Variants in ARHGEF6 observed in about 807,000 individuals in gnomAD.
The protein encoded by ARHGEF6 is rho guanine nucleotide exchange factor 6.
A neutral mutation model predicts 70.3 loss-of-function variants in ARHGEF6; 9 were observed. The ratio of observed to expected loss-of-function variants is 0.13; its 90% CI spans 0.08 to 0.22. The LOEUF is 0.22. ARHGEF6 is among the 10% of genes least tolerant of loss of function. The pLI, the probability that ARHGEF6 is intolerant of heterozygous loss-of-function variation, is 1.00. For synonymous variants in ARHGEF6, 201 were observed against 207.8 expected (o/e 0.97, Z 0.28); for missense variants, 470 against 563.0 (o/e 0.83, Z 1.67).
At chrX:136,735,911 A>G (rs1279525134) in intron 5 of ARHGEF6, among the ~76,000 whole-genome samples, 2 of 112,221 alleles carry the variant, frequency 1.8e-5, no homozygotes, top group Non-Finnish European at 3.8e-5. Context: ...ATTTCTTAAT[A>G]TGCCTTAATA....
intron 2 of ARHGEF6, among the ~76,000 whole-genome samples, chrX:136,760,110 C>G (rs1185004227): frequency 1.8e-5 from 2 of 112,142 alleles, no homozygotes; most frequent in Non-Finnish European, 3.8e-5. Flanking sequence ...TGCCATTGCC[C>G]ATGTTGAAAT....
intron 9 of ARHGEF6, among the ~76,000 whole-genome samples, chrX:136,697,368 C>G (rs906418194): frequency 3.6e-5 from 4 of 111,856 alleles, no homozygotes; most frequent in African/African-American, 9.8e-5. Flanking sequence ...ACCAGGGAAA[C>G]AGACAGCCAG....
chrX:136,763,933 G>A (rs908657491), intron 2 of ARHGEF6, among the ~76,000 whole-genome samples: 2 of 111,851 alleles, frequency 1.8e-5, no homozygotes, highest in African/African-American at 3.3e-5. Flanking sequence ...AAGGGTGGAC[G>A]AGCAGTATAA....
intron 6 of ARHGEF6, among the ~76,000 whole-genome samples, chrX:136,730,210 G>A (rs1005800741): frequency 2.7e-5 from 3 of 110,852 alleles, no homozygotes; most frequent in Non-Finnish European, 5.7e-5. Context: ...GACTCTTGGA[G>A]GGAAGAAGAT....
At chrX:136,758,885 A>G (rs1325380448) in intron 2 of ARHGEF6, among the ~76,000 whole-genome samples, 1 of 111,990 alleles carries the variant, frequency 8.9e-6, no homozygotes, top group Admixed American at 9.4e-5. Flanking sequence ...CCTGGTGTCT[A>G]TGCCAGGCAG....
intron 2 of ARHGEF6, among the ~76,000 whole-genome samples, chrX:136,777,431 A>T (rs1201202492): frequency 9.0e-6 from 1 of 110,582 alleles, no homozygotes; most frequent in Admixed American, 9.7e-5. Flanking sequence ...TTAAAAAAAA[A>T]ACAAAAAATA....
At chrX:136,745,991 T>C (rs1313849476) in intron 3 of ARHGEF6, among the ~76,000 whole-genome samples, 1 of 112,234 alleles carries the variant, frequency 8.9e-6, no homozygotes, top group African/African-American at 3.2e-5. Flanking sequence ...GTTGAGAGTA[T>C]ACAAAAGAGA....
chrX:136,761,391 A>G lies in ARHGEF6; in HGVS notation c.250-13799T>C, dbSNP rs1226743024. Among the ~76,000 whole-genome samples the G allele has an allele frequency of 3.6e-5, 4 of 112,386 alleles. No individual in the cohort carries two copies. The East Asian group carries it at 1.1e-3, about 31-fold the overall frequency. On this transcript the variant is annotated intron_variant, in intron 2 of 21. Coordinates refer to ENST00000250617, the MANE Select transcript of ARHGEF6 (RefSeq NM_004840.3). ...TATCACTGGGCTGCAATATCACGGA[A>G]ATTTAAACTGTCTTTATGTAGCCTT...
intron 20 of ARHGEF6, 96 bp from the exon 21 acceptor site, chrX:136,669,632 C>G: frequency 1.4e-6 from 1 of 731,861 alleles, no homozygotes. Flanking sequence ...AATACAGATC[C>G]TGAAAAACAG....
intron 2 of ARHGEF6, among the ~76,000 whole-genome samples, chrX:136,750,576 C>T (rs2077139398): frequency 9.0e-6 from 1 of 111,453 alleles, no homozygotes; most frequent in African/African-American, 3.3e-5. Context: ...ATTCATCTTA[C>T]CACTACTGTG....
chrX:136,691,074 C>T (rs2076453244), intron 9 of ARHGEF6, among the ~76,000 whole-genome samples: 2 of 111,018 alleles, frequency 1.8e-5, no homozygotes, highest in Admixed American at 9.5e-5. Flanking sequence ...AAAAAAAATC[C>T]CCACCCTTAA....
At chrX:136,780,341 A>G (rs969607854) in intron 1 of ARHGEF6, among the ~76,000 whole-genome samples, 21 of 111,643 alleles carry the variant, frequency 1.9e-4, no homozygotes, top group African/African-American at 6.5e-4. Flanking sequence ...CACCACCAAG[A>G]TCTGTTATAA....
In ARHGEF6 at chrX:136,779,395, G is replaced by C. The variant is rs2077429805; in HGVS notation, c.249+19C>G. 2 of 1,188,989 alleles carry C rather than the reference G, an allele frequency of 1.7e-6. No individual in the cohort carries two copies. Among genetic ancestry groups the C allele is most frequent in the Non-Finnish European group, 1.1e-6 (1 of 876,463 alleles). On this transcript the variant is annotated intron_variant, in intron 2 of 21. Transcript: ENST00000250617. ...CAAAAAAACGATGACAACAGGGAAG[G>C]CACCCGGGGTAGGCTTACTTCCACT...
Position 136,682,790 on chromosome X carries a change from C to A in ARHGEF6, c.1447G>T (p.Ala483Ser). 1 of 1,210,557 alleles carries A rather than the reference C, an allele frequency of 8.3e-7. No individual in the cohort carries two copies. The highest frequency in any genetic ancestry group is 1.1e-6 in the Non-Finnish European group (1 of 894,506). Residue 483 changes from alanine (A) to serine (S), a missense_variant, in exon 13 of 22, where the codon GCA becomes TCA. Around this residue, in one of 3 missense-constraint regions of ARHGEF6, gnomAD observed 379 missense variants for 449.3 expected, o/e 0.84. Transcript: ENST00000250617. ...LFSNVLIMLS[A>S]SPRMSGFIYQ... ...ATAAAGCCACTCATCCGAGGACTTGCAGATAACATTATCAGGACATTTGAA... is the reference window on the plus strand; with the variant it reads ...ATAAAGCCACTCATCCGAGGACTTGAAGATAACATTATCAGGACATTTGAA...
At chrX:136,752,204 G>A (rs764127700) in intron 2 of ARHGEF6, among the ~76,000 whole-genome samples, 6 of 112,365 alleles carry the variant, frequency 5.3e-5, no homozygotes, top group African/African-American at 1.3e-4. Context: ...TCAACTAATT[G>A]TAGCAAAGAG....
At chrX:136,721,373 G>A (rs894193289) in intron 6 of ARHGEF6, among the ~76,000 whole-genome samples, 10 of 111,152 alleles carry the variant, frequency 9.0e-5, no homozygotes, top group East Asian at 2.8e-4. Context: ...GACCAGCCTC[G>A]GCAACATGGT....
At chrX:136,734,080 A>G (rs1267979255) in intron 5 of ARHGEF6, among the ~76,000 whole-genome samples, 3 of 112,356 alleles carry the variant, frequency 2.7e-5, no homozygotes, top group Non-Finnish European at 5.6e-5. Flanking sequence ...AGAAATGGCA[A>G]TGCTCAAGGC....
At chrX:136,708,075 G>A (rs2076644993) in intron 8 of ARHGEF6, among the ~76,000 whole-genome samples, 1 of 111,827 alleles carries the variant, frequency 8.9e-6, no homozygotes, top group South Asian at 3.7e-4. Flanking sequence ...GAAACTGAAT[G>A]AATCATTTGA....
chrX:136,765,873 T>C (rs1450758923), intron 2 of ARHGEF6, among the ~76,000 whole-genome samples: 3 of 112,263 alleles, frequency 2.7e-5, no homozygotes, highest in African/African-American at 9.7e-5. Flanking sequence ...CTAGAAGGCA[T>C]TCAAAAAATT....
Sources: gnomAD v4.1 joint callset for allele counts (sites outside exome capture counted in the v4.1 genomes callset) on GRCh38, gnomAD v4.1.1 for gene constraint, gnomAD v4.1.1 regional missense constraint, MANE v1.5 for transcripts, NCBI Gene and HGNC (gene_info 2026-07-23, HGNC 2026-07-21) for gene names.